The following PNPLA8 variants were observed in gnomAD, a reference collection of about 807,000 sequenced individuals.
PNPLA8 encodes the protein patatin like domain 8, phospholipase A2.
PNPLA8 carries 39 observed loss-of-function variants against 76.9 expected under a neutral mutation model. The observed-to-expected ratio is 0.51, with a 90% CI of 0.39 to 0.66. The LOEUF (loss-of-function observed/expected upper bound fraction) is 0.66. Ranked by LOEUF, PNPLA8 falls within the 30% of genes least tolerant of loss-of-function variation. PNPLA8 has a pLI of 0.00. For missense variants in PNPLA8, 887 were observed against 918.0 expected (o/e 0.97, Z 0.44); for synonymous variants, 301 against 307.9 (o/e 0.98, Z 0.24).
chr7:108,521,883 G>A (rs1863759476), intron 1 of PNPLA8, among the ~76,000 whole-genome samples: 2 of 152,274 alleles, frequency 1.3e-5, no homozygotes, highest in South Asian at 4.1e-4. Flanking sequence ...CCTCCTCTTG[G>A]CCAAGGGCAT....
At chr7:108,490,377 C>CAGGTTTA (rs1181427463) in intron 8 of PNPLA8, among the ~76,000 whole-genome samples, 5 of 151,422 alleles carry the variant, frequency 3.3e-5, no homozygotes, top group East Asian at 1.9e-4. Context: ...CTCTATAATA[C>CAGGTTTA]TTGCACAATG....
chr7:108,497,428 G>A, intron 6 of PNPLA8, 55 bp downstream of exon 6: 1 of 1,194,546 alleles, frequency 8.4e-7, no homozygotes, highest in East Asian at 2.4e-5. Flanking sequence ...AGTGCTTAAT[G>A]TTCTTTTCCT....
chr7:108,500,637 T>C (rs1020046101), intron 5 of PNPLA8, among the ~76,000 whole-genome samples: 1 of 152,152 alleles, frequency 6.6e-6, no homozygotes, highest in African/African-American at 2.4e-5. Flanking sequence ...GATATTGGCA[T>C]GGTGGCTCAC....
At chr7:108,491,585 A>G in intron 7 of PNPLA8, 118 bp from the exon 8 acceptor site, 1 of 698,092 alleles carries the variant, frequency 1.4e-6, no homozygotes, top group Non-Finnish European at 2.6e-6. Context: ...CTATGAAGGA[A>G]AACATGTAAG....
At chr7:108,526,359 C>T (rs868736615), upstream of PNPLA8, 2 of 141,548 alleles carry the variant, frequency 1.4e-5, no homozygotes, top group African/African-American at 3.0e-5. Flanking sequence ...TGTGTGCGTG[C>T]GTGCGTGCGT....
chr7:108,521,948 T>C (rs1863765777), intron 1 of PNPLA8, among the ~76,000 whole-genome samples: 3 of 152,168 alleles, frequency 2.0e-5, no homozygotes, highest in Admixed American at 2.0e-4. Flanking sequence ...GGGTTGGATG[T>C]GCCTCATTAT....
upstream of PNPLA8, chr7:108,527,679 C>G (rs1864140515): frequency 6.6e-6 from 1 of 152,120 alleles, no homozygotes; most frequent in Non-Finnish European, 1.5e-5. Context: ...GAAGTGATAT[C>G]AAGGGTCGGG....
At chr7:108,526,427 G>C (rs1864093872), upstream of PNPLA8, 1 of 153,746 alleles carries the variant, frequency 6.5e-6, no homozygotes, top group Non-Finnish European at 1.5e-5. Context: ...GTTGGTTGCC[G>C]GGTGTGAGAG....
At chr7:108,511,736 C>T (rs1487333211) in intron 4 of PNPLA8, among the ~76,000 whole-genome samples, 1 of 152,096 alleles carries the variant, frequency 6.6e-6, no homozygotes, top group African/African-American at 2.4e-5. Context: ...TAATCAGTTA[C>T]ATAAATAACA....
At chr7:108,526,202 T>TAG, upstream of PNPLA8, 5 of 630,546 alleles carry the variant, frequency 7.9e-6, no homozygotes, top group Non-Finnish European at 9.9e-6. Flanking sequence ...AGTGACGCGC[T>TAG]AGAAGTTTGG....
At chr7:108,491,315 AAAAAT>A (rs1300509896) in intron 8 of PNPLA8, 90 bp downstream of exon 8, 17 of 786,596 alleles carry the variant, frequency 2.2e-5, no homozygotes, top group South Asian at 7.7e-5. Flanking sequence ...CTCAAAAAAT[AAAAAT>A]AAAATAAAAT....
chr7:108,497,797 C>A (rs2154515659), intron 5 of PNPLA8, among the ~76,000 whole-genome samples: 1 of 151,978 alleles, frequency 6.6e-6, no homozygotes, highest in East Asian at 1.9e-4. Flanking sequence ...TAAGGCAGCA[C>A]ATTTTAAAAT....
chr7:108,525,080 A>C (rs1863986681), intron 1 of PNPLA8, among the ~76,000 whole-genome samples: 1 of 151,982 alleles, frequency 6.6e-6, no homozygotes, highest in Non-Finnish European at 1.5e-5. Flanking sequence ...TGATATAGAA[A>C]TAAAAAAAGA....
At chr7:108,509,667 C>T (rs980787792) in intron 4 of PNPLA8, among the ~76,000 whole-genome samples, 1 of 151,770 alleles carries the variant, frequency 6.6e-6, no homozygotes, top group Non-Finnish European at 1.5e-5. Flanking sequence ...CCCAGCCATT[C>T]CATTACTGGG....
intron 5 of PNPLA8, among the ~76,000 whole-genome samples, chr7:108,502,236 A>T (rs1056444266): frequency 6.6e-6 from 1 of 151,880 alleles, no homozygotes; most frequent in African/African-American, 2.4e-5. Flanking sequence ...TGGCGTCAGG[A>T]GTTTGAGACC....
chr7:108,511,804 T>C (rs921868179), intron 4 of PNPLA8, among the ~76,000 whole-genome samples: 9 of 152,232 alleles, frequency 5.9e-5, no homozygotes, highest in Non-Finnish European at 7.3e-5. Flanking sequence ...GTATACATTA[T>C]ATGCTAAAAA....
intron 10 of PNPLA8, among the ~76,000 whole-genome samples, chr7:108,475,107 T>G (rs184650262): frequency 9.5e-4 from 144 of 152,206 alleles, no homozygotes; most frequent in African/African-American, 3.3e-3. Flanking sequence ...GGGATCTAGG[T>G]TGCGTGCTCC....
At position 108,514,017 on chromosome 7, in the gene PNPLA8, A is replaced by G. The variant is rs928562007; in HGVS notation, c.1206+127T>C. The G allele has an allele frequency of 1.1e-5, 7 of 657,514 alleles. No homozygotes were observed. In the Admixed American group the frequency reaches 1.5e-4, roughly 14 times the overall value. 40.7% of individuals were successfully genotyped at this position (657,514 alleles called of 1,614,324 possible). A position where few individuals can be genotyped will look rare whatever the true frequency, so the allele number is the denominator to read the frequency against. On this transcript the variant is annotated intron_variant, in intron 4 of 10. Coordinates refer to ENST00000257694, the MANE Select transcript of PNPLA8 (RefSeq NM_001256007.3). ...AATAAATAGGGTAATTACTGAATACACATCACATGTATAATAAAAACCACA... is the reference window on the plus strand; with the variant it reads ...AATAAATAGGGTAATTACTGAATACGCATCACATGTATAATAAAAACCACA...
At chr7:108,525,157 A>G (rs1359781289) in intron 1 of PNPLA8, among the ~76,000 whole-genome samples, 1 of 152,250 alleles carries the variant, frequency 6.6e-6, no homozygotes, top group Non-Finnish European at 1.5e-5. Context: ...TGAAAGGACA[A>G]CTAATTTGCA....
Sources: gnomAD v4.1 joint callset for allele counts (sites outside exome capture counted in the v4.1 genomes callset) on GRCh38, gnomAD v4.1.1 for gene constraint, MANE v1.5 for transcripts, NCBI Gene and HGNC (gene_info 2026-07-23, HGNC 2026-07-21) for gene names.